Variants in PSMD9 observed in about 807,000 individuals in gnomAD.
PSMD9 encodes 26S proteasome non-ATPase regulatory subunit 9.
PSMD9 carries 26 observed loss-of-function variants against 25.9 expected under a neutral mutation model. That is an observed-to-expected ratio of 1.00 (90% confidence interval 0.73 to 1.39). The LOEUF (loss-of-function observed/expected upper bound fraction) is 1.39. Ranked by LOEUF, PSMD9 falls within the 40% of genes most tolerant of loss-of-function variation. The probability of loss-of-function intolerance (pLI) is 0.00; values close to 1 mark genes in which losing one functional copy is unlikely to be tolerated. For synonymous variants in PSMD9, 110 were observed against 114.5 expected, an observed-to-expected ratio of 0.96 and a Z score of 0.25; for missense variants, 303 against 299.3, an observed-to-expected ratio of 1.01 and a Z score of -0.09.
chr12:121,899,538 T>C (rs1012289965), intron 2 of PSMD9, 96 bp from the exon 3 acceptor site: 2 of 1,159,328 alleles, frequency 1.7e-6, no homozygotes, highest in South Asian at 1.5e-5. Context: ...ACATCTGGCA[T>C]GTAATAAGCA....
chr12:121,907,092 G>T lies in PSMD9; in HGVS notation c.555+3985G>T, dbSNP rs1195195098. ...TTTCTTTTTTTATTTTTTTTGAGACGAAGTTTTTCTCTTGTTGCCTAGGCT... is the reference window on the plus strand; with the variant it reads ...TTTCTTTTTTTATTTTTTTTGAGACTAAGTTTTTCTCTTGTTGCCTAGGCT... On this transcript the variant is annotated intron_variant, in intron 4 of 5. Coordinates refer to ENST00000541212, the MANE Select transcript of PSMD9 (RefSeq NM_002813.7). Among the ~76,000 whole-genome samples, 5 of 151,442 alleles carry T rather than the reference G, an allele frequency of 3.3e-5. 1 individual carries two copies. The East Asian group carries it at 7.7e-4, about 23-fold the overall frequency.
chr12:121,908,523 T>G (rs570483115), intron 4 of PSMD9, among the ~76,000 whole-genome samples: 30 of 152,296 alleles, frequency 2.0e-4, no homozygotes, highest in African/African-American at 7.0e-4. Flanking sequence ...CCTTCCTTAG[T>G]GCCTCTTCCG....
chr12:121,913,412 A>C (rs989530339), intron 4 of PSMD9, among the ~76,000 whole-genome samples: 5 of 151,232 alleles, frequency 3.3e-5, no homozygotes, highest in Admixed American at 6.6e-5. Context: ...TTTTTTGTTG[A>C]TGTTGAGGTA....
chr12:121,899,756 C>T lies in PSMD9; in HGVS notation c.364C>T (p.Arg122Cys), dbSNP rs752054277. The T allele has an allele frequency of 2.5e-5, 40 of 1,613,938 alleles. No homozygotes were observed. The highest frequency in any genetic ancestry group is 8.0e-5 in the African/African-American group (6 of 74,910). Reference sequence around the variant, plus strand: ...TGAGGCCCACAAAGAGGCCATGAGCCGCAAACTGGGTCAGAGTGAGAGCCA... The same window carrying T: ...TGAGGCCCACAAAGAGGCCATGAGCTGCAAACTGGGTCAGAGTGAGAGCCA... The part of the protein sequence containing the change: ...MAEAHKEAMS[R>C]KLGQSESQGP... The change falls in exon 3 of 6, where the codon CGC (arginine) becomes TGC (cysteine). Residue 122 changes from arginine to cysteine, a missense_variant. Coordinates refer to ENST00000541212, the MANE Select transcript of PSMD9 (RefSeq NM_002813.7).
chr12:121,902,031 A>C (rs1176567830), intron 3 of PSMD9: 2 of 152,022 alleles, frequency 1.3e-5, no homozygotes, highest in Non-Finnish European at 2.9e-5. Context: ...GATATATCAT[A>C]TTTTATTTAT....
At chr12:121,912,868 C>CAAAAAAAAAAA (rs35325016) in intron 4 of PSMD9, among the ~76,000 whole-genome samples, 2 of 85,746 alleles carry the variant, frequency 2.3e-5, no homozygotes, top group Non-Finnish European at 4.4e-5. Context: ...AACCCTGTCT[C>CAAAAAAAAAAA]AAAAAAAAAA....
rs61661595 is a variant in PSMD9, at chr12:121,893,230, C to T, written c.139-1509C>T. Among the ~76,000 whole-genome samples the T allele has an allele frequency of 8.5e-3, 1,292 of 152,262 alleles. 21 individuals are homozygous for T. The highest frequency in any genetic ancestry group is 0.044 in the East Asian group (226 of 5,182). On this transcript the variant is annotated intron_variant, in intron 1 of 5. Coordinates refer to ENST00000541212, the MANE Select transcript of PSMD9 (RefSeq NM_002813.7). ...GCAGGAGCAGATACAGGTTTTTAGC[C>T]CCTGGCGCATTTCTGCAGTGTCACG... is the stretch of plus-strand genomic sequence containing the variant.
chr12:121,912,573 A>G (rs1002859651), intron 4 of PSMD9, among the ~76,000 whole-genome samples: 3 of 152,124 alleles, frequency 2.0e-5, no homozygotes, highest in African/African-American at 4.8e-5. Flanking sequence ...CTTTGAAGAA[A>G]TGTCTATTTA....
intron 2 of PSMD9, among the ~76,000 whole-genome samples, chr12:121,896,114 A>G (rs1301396243): frequency 6.6e-6 from 1 of 151,454 alleles, no homozygotes; most frequent in African/African-American, 2.4e-5. Context: ...ACAGAGCAAG[A>G]GACCGTCTCA....
intron 1 of PSMD9, among the ~76,000 whole-genome samples, chr12:121,890,798 C>T (rs1176392105): frequency 4.6e-5 from 7 of 151,848 alleles, no homozygotes; most frequent in Admixed American, 1.3e-4. Flanking sequence ...AAGGAAATTT[C>T]AAAACTCCGC....
chr12:121,892,811 G>A (rs1043426388), intron 1 of PSMD9, among the ~76,000 whole-genome samples: 11 of 152,020 alleles, frequency 7.2e-5, no homozygotes, highest in Admixed American at 1.3e-4. Context: ...AGTTTAAGGC[G>A]GCAGTGAGCT....
At chr12:121,913,863 T>C (rs897734695) in intron 4 of PSMD9, among the ~76,000 whole-genome samples, 6 of 151,974 alleles carry the variant, frequency 3.9e-5, no homozygotes, top group South Asian at 2.1e-4. Context: ...ATTTGATACA[T>C]AGAAGTTTTA....
chr12:121,903,037 T>C lies in PSMD9; in HGVS notation c.485T>C (p.Phe162Ser). 6.2e-7 allele frequency: 1 copy of C among 1,614,084 alleles called. No homozygotes were observed. The highest frequency in any genetic ancestry group is 1.3e-5 in the African/African-American group (1 of 75,020). ...CAAGTGGATGATGAGATTGTGGAGT[T>C]CGGCTCTGTGAACACCCAGAACTTC... ...GLQVDDEIVE[F>S]GSVNTQNFQS... The change falls in exon 4 of 6, where the codon TTC becomes TCC. Residue 162 changes from phenylalanine (F) to serine (S), a missense_variant. By Grantham distance (155) the Phe-to-Ser change is radical. Transcript: ENST00000541212.
intron 4 of PSMD9, among the ~76,000 whole-genome samples, chr12:121,905,752 A>C (rs528061705): frequency 6.6e-6 from 1 of 151,514 alleles, no homozygotes; most frequent in East Asian, 2.0e-4. Flanking sequence ...GGCTGGTCTC[A>C]AACTCCTAAC....
chr12:121,917,412 C>T lies in PSMD9; in HGVS notation c.*1101C>T, dbSNP rs561050891. 6.6e-6 allele frequency: 1 copy of T among 152,340 alleles called. No homozygotes were observed. Among genetic ancestry groups the T allele is most frequent in the East Asian group, 1.9e-4 (1 of 5,192 alleles). 9.4% of individuals were successfully genotyped at this position (152,340 alleles called of 1,614,324 possible). A position where few individuals can be genotyped will look rare whatever the true frequency, so the allele number is the denominator to read the frequency against. The stretch of plus-strand genomic sequence containing the variant: ...GACCTCTTGAAAATGCTTATTCTTC[C>T]TCCCTTTTATTTTTTGTCTCTTTTA... On this transcript the variant is annotated 3_prime_UTR_variant, in exon 6 of 6. Transcript: ENST00000541212.
intron 4 of PSMD9, among the ~76,000 whole-genome samples, chr12:121,908,893 A>C (rs2135729515): frequency 6.6e-6 from 1 of 152,246 alleles, no homozygotes; most frequent in South Asian, 2.1e-4. Flanking sequence ...AGCCCAGAGC[A>C]GAATGGAGAG....
At chr12:121,911,064 G>A (rs1879705588) in intron 4 of PSMD9, 2 of 441,056 alleles carry the variant, frequency 4.5e-6, no homozygotes, top group Admixed American at 2.5e-5. Context: ...TTTTGAGATG[G>A]TGTCTCGCTC....
chr12:121,900,037 C>A, intron 3 of PSMD9, 192 bp downstream of exon 3: 1 of 664,594 alleles, frequency 1.5e-6, no homozygotes. Flanking sequence ...AGAGAGGGGT[C>A]AGCCCCGGCT....
chr12:121,907,793 A>G (rs1245496403), intron 4 of PSMD9, among the ~76,000 whole-genome samples: 1 of 152,242 alleles, frequency 6.6e-6, no homozygotes, highest in Admixed American at 6.5e-5. Context: ...TGTTCCCAAC[A>G]CTTTGGGAGG....
Sources: allele counts gnomAD v4.1 joint callset (sites outside exome capture counted in the v4.1 genomes callset), GRCh38; gene constraint gnomAD v4.1.1; transcripts MANE v1.5; gene names NCBI Gene and HGNC (gene_info 2026-07-23, HGNC 2026-07-21).